Variants in PCNX4 observed in about 807,000 individuals in gnomAD.
The protein encoded by PCNX4 is pecanex-like protein 4.
PCNX4 carries 103 observed loss-of-function variants against 107.2 expected under a neutral mutation model. The observed-to-expected ratio is 0.96, with a 90% confidence interval of 0.82 to 1.13. The LOEUF (loss-of-function observed/expected upper bound fraction) is 1.13, where lower values mean the gene tolerates loss of function less well. Among genes scored for constraint, PCNX4 ranks in the 50% most tolerant of loss-of-function variants. The pLI is 0.00. For synonymous variants in PCNX4, 541 were observed against 481.7 expected (o/e 1.12, Z -1.61); for missense variants, 1,528 against 1,379.4 (o/e 1.11, Z -1.71).
chr14:60,109,344 A>G (rs1895691452), intron 2 of PCNX4: 1 of 167,138 alleles, frequency 6.0e-6, no homozygotes, highest in African/African-American at 2.4e-5. Flanking sequence ...GCTACCAAGA[A>G]GTGGGATGCC....
intron 1 of PCNX4, among the ~76,000 whole-genome samples, chr14:60,104,629 T>C (rs1302077195): frequency 1.3e-5 from 2 of 152,190 alleles, no homozygotes; most frequent in Non-Finnish European, 2.9e-5. Context: ...CTCATGATCA[T>C]GGTGGAAGGT....
rs542679228 is a variant in PCNX4, at chr14:60,107,649, A to G, written c.11A>G (p.Asp4Gly). MSP[D>G]VPLLNDYKQD... ...TAATCCCGAGTGAGGATGAGTCCAGATGTGCCTCTACTGAATGATTACAAG... is the reference window on the plus strand; with the variant it reads ...TAATCCCGAGTGAGGATGAGTCCAGGTGTGCCTCTACTGAATGATTACAAG... Residue 4 changes from aspartate to glycine, a missense_variant, in exon 2 of 11, where the codon GAT becomes GGT. Asp to Gly is a moderately conservative substitution (Grantham distance 94, BLOSUM62 -1). Coordinates refer to ENST00000406854, the MANE Select transcript of PCNX4 (RefSeq NM_001330177.2). 1.9e-6 allele frequency: 3 copies of G among 1,612,132 alleles called. No homozygotes were observed. Among genetic ancestry groups the G allele is most frequent in the South Asian group, 2.2e-5 (2 of 90,996 alleles).
intron 1 of PCNX4, among the ~76,000 whole-genome samples, chr14:60,103,264 C>G (rs1380598822): frequency 6.6e-6 from 1 of 152,142 alleles, no homozygotes; most frequent in African/African-American, 2.4e-5. Context: ...GTTACATGAT[C>G]TGTTACTAGA....
Position 60,124,961 on chromosome 14 carries a change from C to T in PCNX4, c.2790C>T (p.Ser930=), listed in dbSNP as rs1280692773. The change falls in exon 9 of 11, where the codon AGC becomes AGT. Residue 930 remains serine (S), a synonymous_variant. Transcript: ENST00000406854. ...CCAGTTCCAAAATGAAGGAGATGAG[C>T]TCGTTATTTCCAGAAGACTGGTACC... ...CMPSSKMKEM[S]SLFPEDWYQF... 6 of 1,613,706 alleles carry T rather than the reference C, an allele frequency of 3.7e-6. No individual in the cohort carries two copies. Among genetic ancestry groups the T allele is most frequent in the Admixed American group, 1.7e-5 (1 of 59,974 alleles).
intron 1 of PCNX4, among the ~76,000 whole-genome samples, chr14:60,101,431 C>T (rs1895530600): frequency 6.6e-6 from 1 of 152,068 alleles, no homozygotes; most frequent in African/African-American, 2.4e-5. Flanking sequence ...GAAGAGCTCT[C>T]AGAAGTTAAA....
At chr14:60,129,633 A>G (rs1896118799) in intron 10 of PCNX4, among the ~76,000 whole-genome samples, 2 of 152,248 alleles carry the variant, frequency 1.3e-5, no homozygotes, top group Admixed American at 6.5e-5. Flanking sequence ...GCATAAAATT[A>G]TATAAAGTGA....
At chr14:60,111,686 C>A (rs533404260) in intron 2 of PCNX4, among the ~76,000 whole-genome samples, 2 of 151,910 alleles carry the variant, frequency 1.3e-5, no homozygotes, top group Non-Finnish European at 2.9e-5. Context: ...TTGGTTTTCC[C>A]GACATTCTGC....
At position 60,115,833 on chromosome 14, in the gene PCNX4, G is replaced by A. The variant is rs936649497; in HGVS notation, c.1458+14G>A. ...GCCTTTAGAATGGTAATCCTAATAT[G>A]TGTTTAATAGTATTTTCCTATTGCT... On this transcript the variant is annotated intron_variant, in intron 5 of 10. Transcript: ENST00000406854. 6.2e-7 allele frequency: 1 copy of A among 1,600,242 alleles called. No homozygotes were observed. Among genetic ancestry groups the A allele is most frequent in the Non-Finnish European group, 8.5e-7 (1 of 1,170,520 alleles).
chr14:60,096,546 G>C (rs2140526963), intron 1 of PCNX4, among the ~76,000 whole-genome samples: 1 of 152,292 alleles, frequency 6.6e-6, no homozygotes, highest in East Asian at 1.9e-4. Flanking sequence ...GCATAACATA[G>C]GGAACATTGT....
chr14:60,120,455 G>A (rs1350524384), intron 7 of PCNX4, among the ~76,000 whole-genome samples: 1 of 152,112 alleles, frequency 6.6e-6, no homozygotes, highest in Admixed American at 6.6e-5. Flanking sequence ...CAGATGCCAG[G>A]CAAGGACCAA....
intron 10 of PCNX4, among the ~76,000 whole-genome samples, chr14:60,127,009 G>T (rs1298075691): frequency 1.3e-5 from 2 of 152,174 alleles, no homozygotes; most frequent in African/African-American, 4.8e-5. Context: ...TGCCCAGTGG[G>T]AGAAGCAAAT....
At chr14:60,119,162 C>T (rs1461306784) in intron 7 of PCNX4, among the ~76,000 whole-genome samples, 1 of 152,092 alleles carries the variant, frequency 6.6e-6, no homozygotes, top group Non-Finnish European at 1.5e-5. Flanking sequence ...GCAGTCTGGA[C>T]AAGATAACAT....
intron 10 of PCNX4, 131 bp from the exon 11 acceptor site, chr14:60,133,839 T>C: frequency 1.2e-6 from 1 of 854,368 alleles, no homozygotes; most frequent in Non-Finnish European, 1.8e-6. Context: ...AACACTACTT[T>C]CTGTTTTTTG....
At chr14:60,131,118 G>A (rs1235589712) in intron 10 of PCNX4, among the ~76,000 whole-genome samples, 2 of 152,226 alleles carry the variant, frequency 1.3e-5, no homozygotes, top group East Asian at 1.9e-4. Context: ...AAACCACCCC[G>A]ATCTTGGACC....
intron 1 of PCNX4, among the ~76,000 whole-genome samples, chr14:60,106,247 C>G (rs1020470030): frequency 1.3e-5 from 2 of 152,140 alleles, no homozygotes; most frequent in Admixed American, 1.3e-4. Context: ...ATGTTCAAGT[C>G]TCTGATATAA....
Position 60,115,785 on chromosome 14 carries a change from C to CT in PCNX4, c.1425dup (p.Val476CysfsTer10). ...TCCTTACAAGGGCTCCACTCAGTGT[C>CT]TGTCTGTATTGGATTCACAAGAGCC... is the stretch of plus-strand genomic sequence containing the variant. On this transcript the variant is annotated frameshift_variant, in exon 5 of 11. Transcript: ENST00000406854. LOFTEE classifies it high-confidence loss of function. 1 of 1,613,130 alleles carries CT rather than the reference C, an allele frequency of 6.2e-7. No individual in the cohort carries two copies. The highest frequency in any genetic ancestry group is 8.5e-7 in the Non-Finnish European group (1 of 1,179,274).
intron 10 of PCNX4, among the ~76,000 whole-genome samples, chr14:60,128,658 C>T (rs1211218963): frequency 1.3e-5 from 2 of 152,082 alleles, no homozygotes; most frequent in African/African-American, 4.8e-5. Context: ...AAACAAAGAG[C>T]ACCAATAAAG....
chr14:60,092,969 T>C (rs1241961517), intron 1 of PCNX4, among the ~76,000 whole-genome samples: 1 of 152,252 alleles, frequency 6.6e-6, no homozygotes, highest in Non-Finnish European at 1.5e-5. Flanking sequence ...TTTAGGTGTT[T>C]GTTTTCTTCA....
In PCNX4 at chr14:60,145,773, CT is replaced by C. The variant is rs761746905; in HGVS notation, c.*11556del. On this transcript the variant is annotated 3_prime_UTR_variant, in exon 11 of 11. Coordinates refer to ENST00000406854, the MANE Select transcript of PCNX4 (RefSeq NM_001330177.2). This position sits in a 1 kb window ranked among gnomAD's most constrained non-coding sequence, Gnocchi z 4.0. ...TGATAATCCCCAAGATGTGATGTTTCTTTTCAGAAGATATGCATTTACCACT... is the reference window on the plus strand; with the variant it reads ...TGATAATCCCCAAGATGTGATGTTTCTTTCAGAAGATATGCATTTACCACT... 1 of 152,076 alleles carries C rather than the reference CT, an allele frequency of 6.6e-6. No individual in the cohort carries two copies. The highest frequency in any genetic ancestry group is 1.9e-4 in the East Asian group (1 of 5,200). The allele number at this position is 152,076 out of a possible 1,614,324, so 9.4% of individuals were successfully genotyped here.
Sources: allele counts gnomAD v4.1 joint callset (sites outside exome capture counted in the v4.1 genomes callset), GRCh38; gene constraint gnomAD v4.1.1; non-coding constraint Gnocchi (gnomAD v3.1); transcripts MANE v1.5; gene names NCBI Gene and HGNC (gene_info 2026-07-23, HGNC 2026-07-21).